Variants in ZFR2 observed in about 807,000 individuals in gnomAD.
ZFR2 encodes the protein zinc finger RNA binding protein 2, also known as zinc finger RNA-binding protein 2.
In ZFR2, 104 loss-of-function variants were observed where a neutral mutation model predicts 105.7. The observed-to-expected ratio is 0.98, with a 90% confidence interval of 0.84 to 1.16. The LOEUF is 1.16. Among genes scored for constraint, ZFR2 ranks in the 50% most tolerant of loss-of-function variants. The pLI is 0.00. For missense variants in ZFR2, 1,425 were observed against 1,355.5 expected, an observed-to-expected ratio of 1.05 and a Z score of -0.80; for synonymous variants, 634 against 597.7, an observed-to-expected ratio of 1.06 and a Z score of -0.89.
chr19:3,856,260 G>T (rs188666834), intron 1 of ZFR2, among the ~76,000 whole-genome samples: 1 of 152,274 alleles, frequency 6.6e-6, no homozygotes, highest in Admixed American at 6.5e-5. Context: ...CTTGGACTTG[G>T]ATATGATCAG....
At chr19:3,850,559 C>T (rs188256318) in intron 1 of ZFR2, among the ~76,000 whole-genome samples, 2 of 152,028 alleles carry the variant, frequency 1.3e-5, no homozygotes, top group African/African-American at 4.8e-5. Flanking sequence ...CAGGTGGGGA[C>T]TGATCTGAGC....
chr19:3,837,458 AT>A (rs2038088007), intron 1 of ZFR2, among the ~76,000 whole-genome samples: 1 of 150,660 alleles, frequency 6.6e-6, no homozygotes, highest in Non-Finnish European at 1.5e-5. Context: ...GATGAACACC[AT>A]GACTATGGGA....
chr19:3,844,016 G>GGGA (rs2038162388), intron 1 of ZFR2, among the ~76,000 whole-genome samples: 1 of 134,228 alleles, frequency 7.5e-6, no homozygotes, highest in East Asian at 2.3e-4. Flanking sequence ...TAGGATGTGG[G>GGGA]GGGGGGGGTG....
Position 3,834,900 on chromosome 19 carries a change from T to C in ZFR2, c.137A>G (p.Asn46Ser). 2 of 1,611,776 alleles carry C rather than the reference T, an allele frequency of 1.2e-6. No individual in the cohort carries two copies. Among genetic ancestry groups the C allele is most frequent in the Non-Finnish European group, 1.7e-6 (2 of 1,179,122 alleles). Residue 46 changes from asparagine (N) to serine (S), a missense_variant, in exon 2 of 19, where the codon AAC (asparagine) becomes AGC (serine). Physicochemically the swap from Asn to Ser is conservative, Grantham distance 46. Transcript: ENST00000262961. This position sits in a 1 kb window ranked among gnomAD's most constrained non-coding sequence, Gnocchi z 5.3. ...QPTPGMDPAV[N>S]PAFPPAAPAG... The stretch of plus-strand genomic sequence containing the variant: ...CGGGGCAGCTGGGGGAAAGGCCGGG[T>C]TCACGGCAGGGTCCATCCCAGGAGT...
At chr19:3,831,048 T>C (rs566362264) in intron 5 of ZFR2, among the ~76,000 whole-genome samples, 107 of 149,820 alleles carry the variant, frequency 7.1e-4, no homozygotes, top group African/African-American at 2.6e-3. Flanking sequence ...CAAGCACACA[T>C]ACATGCACAC....
Position 3,846,200 on chromosome 19 carries a change from C to T in ZFR2, c.54-11217G>A, listed in dbSNP as rs771267567. Among the ~76,000 whole-genome samples the T allele has an allele frequency of 4.6e-5, 7 of 152,222 alleles. No homozygotes were observed. In the South Asian group the frequency reaches 8.3e-4, roughly 18 times the overall value. ...CCATGTTGGCCAGGCTGTTCTTGAA[C>T]GCCTGACCTTAGGTGATCCACCCGC... On this transcript the variant is annotated intron_variant, in intron 1 of 18. Transcript: ENST00000262961.
intron 6 of ZFR2, among the ~76,000 whole-genome samples, chr19:3,825,818 C>T (rs918366241): frequency 2.6e-5 from 4 of 152,210 alleles, no homozygotes; most frequent in South Asian, 4.1e-4. Flanking sequence ...TGTCCCTGGA[C>T]GGACACCCAC....
rs1040322111 is a variant in ZFR2 at position 3,823,918 on chromosome 19, T to C, written c.1214-515A>G. The stretch of plus-strand genomic sequence containing the variant: ...CAGCACGGTGGTCCAGGGCAGAGAC[T>C]CTTAGACAGACCCGGGTTCCAATTC... On this transcript the variant is annotated intron_variant, in intron 7 of 18. Transcript: ENST00000262961. The surrounding 1 kb of genome is among the most constrained non-coding windows in gnomAD (Gnocchi z 5.4). Among the ~76,000 whole-genome samples the C allele has an allele frequency of 6.6e-6, 1 of 152,134 alleles. No homozygotes were observed. The highest frequency in any genetic ancestry group is 1.5e-5 in the Non-Finnish European group (1 of 68,024).
At chr19:3,815,587 T>G (rs568437437) in intron 13 of ZFR2, among the ~76,000 whole-genome samples, 1 of 152,298 alleles carries the variant, frequency 6.6e-6, no homozygotes, top group African/African-American at 2.4e-5. Flanking sequence ...TCATTTACTC[T>G]TTTTGAATTT....
At chr19:3,827,351 C>T (rs1431093254) in intron 6 of ZFR2, 120 bp downstream of exon 6, 22 of 1,269,330 alleles carry the variant, frequency 1.7e-5, no homozygotes, top group South Asian at 7.4e-5. Flanking sequence ...GGGGCGCGCT[C>T]CACTTGGGGA....
chr19:3,832,523 T>C (rs1295706203), intron 3 of ZFR2, among the ~76,000 whole-genome samples: 2 of 152,056 alleles, frequency 1.3e-5, no homozygotes, highest in South Asian at 2.1e-4. Flanking sequence ...GGTTTCACCA[T>C]GTTGGCCAGG....
At chr19:3,839,070 C>T (rs1042138433) in intron 1 of ZFR2, among the ~76,000 whole-genome samples, 2 of 152,120 alleles carry the variant, frequency 1.3e-5, no homozygotes, top group Non-Finnish European at 2.9e-5. Context: ...CCCCTGGGAC[C>T]GCACACGCTC....
At position 3,834,179 on chromosome 19, in the gene ZFR2, G is replaced by A. The variant is rs1325434941; in HGVS notation, c.265-401C>T. Among the ~76,000 whole-genome samples, 4 of 152,140 alleles carry A rather than the reference G, an allele frequency of 2.6e-5. No homozygotes were observed. Among genetic ancestry groups the A allele is most frequent in the African/African-American group, 4.8e-5 (2 of 41,430 alleles). Reference sequence around the variant, plus strand: ...AGGGTGGCCTCTGATGCCGTTGACCGACACAATCTGGGGACGAGGTGCGGG... The same window carrying A: ...AGGGTGGCCTCTGATGCCGTTGACCAACACAATCTGGGGACGAGGTGCGGG... On this transcript the variant is annotated intron_variant, in intron 2 of 18. Coordinates refer to ENST00000262961, the MANE Select transcript of ZFR2 (RefSeq NM_015174.2). This position sits in a 1 kb window ranked among gnomAD's most constrained non-coding sequence, Gnocchi z 5.3.
chr19:3,823,366 C>T lies in ZFR2; in HGVS notation c.1251G>A (p.Gln417=). 6.2e-7 allele frequency: 1 copy of T among 1,613,598 alleles called. No homozygotes were observed. The highest frequency in any genetic ancestry group is 2.2e-5 in the East Asian group (1 of 44,874). The change falls in exon 8 of 19, where the codon CAG becomes CAA. Residue 417 remains glutamine (Q), a synonymous_variant. Transcript: ENST00000262961. The surrounding 1 kb of genome is among the most constrained non-coding windows in gnomAD (Gnocchi z 5.4). Reference sequence around the variant, plus strand: ...ATTTAGGTTGGGCTGGTTTCCCCCACTGGGGTCTGCAGCCTGCTGCCTGTG... The same window carrying T: ...ATTTAGGTTGGGCTGGTTTCCCCCATTGGGGTCTGCAGCCTGCTGCCTGTG... The part of the protein sequence containing the change: ...PEPQAAGCRP[Q]WGKPAQPKLE...
intron 1 of ZFR2, among the ~76,000 whole-genome samples, chr19:3,857,986 C>A (rs998416928): frequency 2.2e-4 from 34 of 152,316 alleles, no homozygotes; most frequent in African/African-American, 7.0e-4. Flanking sequence ...GGCACTCCCA[C>A]CTTCAGGCCC....
chr19:3,834,945 GC>G lies in ZFR2; in HGVS notation c.91del (p.Ala31ProfsTer15). On this transcript the variant is annotated frameshift_variant, in exon 2 of 19. Coordinates refer to ENST00000262961, the MANE Select transcript of ZFR2 (RefSeq NM_015174.2). LOFTEE classifies it high-confidence loss of function. This position sits in a 1 kb window ranked among gnomAD's most constrained non-coding sequence, Gnocchi z 5.3. ...PPTLPLPTVGASYTAQPTPGM... is the reference protein window; with the variant it reads ...PPTLPLPTVGXSYTAQPTPGM... The stretch of plus-strand genomic sequence containing the variant: ...AGGAGTGGGTTGTGCAGTATAGCTG[GC>G]CCCCACAGTGGGCAGGGGAAGGGTC... The G allele has an allele frequency of 2.5e-6, 4 of 1,611,726 alleles. No homozygotes were observed. Among genetic ancestry groups the G allele is most frequent in the Non-Finnish European group, 2.5e-6 (3 of 1,179,190 alleles).
chr19:3,831,243 G>T, intron 5 of ZFR2, 60 bp downstream of exon 5: 1 of 1,438,252 alleles, frequency 7.0e-7, no homozygotes. Context: ...CCACATTCGG[G>T]TTCAGACGTT....
chr19:3,859,519 C>T (rs900183929), intron 1 of ZFR2, among the ~76,000 whole-genome samples: 1 of 152,240 alleles, frequency 6.6e-6, no homozygotes, highest in Non-Finnish European at 1.5e-5. Flanking sequence ...GCTCATCCAG[C>T]CACTGACTTC....
chr19:3,833,863 A>C (rs2038047429), intron 2 of ZFR2, 85 bp from the exon 3 acceptor site: 8 of 1,023,708 alleles, frequency 7.8e-6, no homozygotes, highest in Non-Finnish European at 1.0e-5. Context: ...GCCACACTGC[A>C]CTCTGCACTT....
Sources: allele counts gnomAD v4.1 joint callset (sites outside exome capture counted in the v4.1 genomes callset), GRCh38; gene constraint gnomAD v4.1.1; non-coding constraint Gnocchi (gnomAD v3.1); transcripts MANE v1.5; gene names NCBI Gene and HGNC (gene_info 2026-07-23, HGNC 2026-07-21).